INSC: variants seen among roughly 807,000 people sequenced by gnomAD.
INSC encodes INSC spindle orientation adaptor protein, also known as protein inscuteable homolog.
A neutral mutation model predicts 58.6 loss-of-function variants in INSC; 67 were observed. The observed-to-expected ratio is 1.14, with a 90% confidence interval of 0.94 to 1.40. The LOEUF (loss-of-function observed/expected upper bound fraction) is 1.40, where lower values mean the gene tolerates loss of function less well. Among genes scored for constraint, INSC ranks in the 40% most tolerant of loss-of-function variants. The probability of loss-of-function intolerance (pLI) is 0.00; values close to 1 mark genes in which losing one functional copy is unlikely to be tolerated. For synonymous variants in INSC, 262 were observed against 276.1 expected (o/e 0.95, Z 0.51); for missense variants, 714 against 692.0 (o/e 1.03, Z -0.36).
chr11:15,216,561 A>T (rs2080274900), intron 7 of INSC, among the ~76,000 whole-genome samples: 2 of 152,174 alleles, frequency 1.3e-5, no homozygotes, highest in Non-Finnish European at 2.9e-5. Context: ...AAATGCAGGG[A>T]TAGTACTGAT....
At chr11:15,113,585 G>A (rs906259212), upstream of INSC, among the ~76,000 whole-genome samples, 3 of 152,192 alleles carry the variant, frequency 2.0e-5, no homozygotes, top group Non-Finnish European at 4.4e-5. Flanking sequence ...CCTGTCCCCA[G>A]CCCTAGACAG....
intron 7 of INSC, among the ~76,000 whole-genome samples, chr11:15,205,326 CA>C (rs1850754448): frequency 6.6e-6 from 1 of 152,202 alleles, no homozygotes; most frequent in African/African-American, 2.4e-5. Flanking sequence ...CAGCCTATTA[CA>C]GTGGAGAGAC....
intron 7 of INSC, among the ~76,000 whole-genome samples, chr11:15,215,292 T>C (rs1161943883): frequency 6.6e-6 from 1 of 152,242 alleles, no homozygotes; most frequent in Non-Finnish European, 1.5e-5. Flanking sequence ...TTTGATTAGA[T>C]TGTTCTCTTG....
the INSC span, among the ~76,000 whole-genome samples, chr11:15,265,584 T>C: frequency 6.6e-6 from 1 of 151,944 alleles, no homozygotes; most frequent in Admixed American, 6.6e-5. Context: ...AATATCCCTT[T>C]ATTACCTTTT....
rs565366661 is a variant in INSC, at chr11:15,201,469, C to T, written c.819+520C>T. ...CCAAGTGCTCACTGGGCCAAGATGGCGTGGGAGTAGGGTAGGGTTAGAGGA... is the reference window on the plus strand; with the variant it reads ...CCAAGTGCTCACTGGGCCAAGATGGTGTGGGAGTAGGGTAGGGTTAGAGGA... On this transcript the variant is annotated intron_variant, in intron 7 of 12. Coordinates refer to ENST00000379556, the MANE Select transcript of INSC (RefSeq NM_001042536.3). Among the ~76,000 whole-genome samples, 29 of 152,214 alleles carry T rather than the reference C, an allele frequency of 1.9e-4. 1 individual carries two copies. Among genetic ancestry groups the T allele is most frequent in the Admixed American group, 1.4e-3 (22 of 15,288 alleles).
chr11:15,221,771 G>A, intron 8 of INSC, 123 bp downstream of exon 8: 1 of 846,938 alleles, frequency 1.2e-6, no homozygotes. Context: ...CTGCATAGAT[G>A]ATCATATTTG....
At position 15,221,635 on chromosome 11, in the gene INSC, G is replaced by A. The variant is rs774592332; in HGVS notation, c.978G>A (p.Val326=). ...TCCTGGAGAGCATGGAGGAGATCGT[G>A]ACAGCCCTCGTCAGTGAGTCACCCT... ...SSFLESMEEI[V]TALVKLCQEA... The change falls in exon 8 of 13, where the codon GTG becomes GTA. Residue 326 remains valine, a synonymous_variant. Transcript: ENST00000379556. 2.5e-6 allele frequency: 4 copies of A among 1,611,794 alleles called. No homozygotes were observed. In the East Asian group the frequency reaches 6.7e-5, roughly 27 times the overall value.
intron 7 of INSC, among the ~76,000 whole-genome samples, chr11:15,220,512 C>T (rs1792553): frequency 0.28 from 43,205 of 152,174 alleles, 6,840 homozygotes; most frequent in Non-Finnish European, 0.36. Flanking sequence ...AGCATCACAT[C>T]CTGTTCAAAA....
chr11:15,111,713 C>G (rs763130582), upstream of INSC, among the ~76,000 whole-genome samples: 1 of 152,272 alleles, frequency 6.6e-6, no homozygotes, highest in South Asian at 2.1e-4. Context: ...AACCACCTGG[C>G]CTCCCTTTTC....
At chr11:15,113,119 C>CTCTCTCTCTTTCTTTCTTTCTT (rs1554899334), upstream of INSC, among the ~76,000 whole-genome samples, 7 of 73,260 alleles carry the variant, frequency 9.6e-5, no homozygotes, top group African/African-American at 3.4e-4. Flanking sequence ...TTCTCTCTCT[C>CTCTCTCTCTTTCTTTCTTTCTT]TCTTTCTTTC....
At chr11:15,234,362 C>A (rs1041855044) in intron 9 of INSC, among the ~76,000 whole-genome samples, 4 of 152,152 alleles carry the variant, frequency 2.6e-5, no homozygotes, top group Non-Finnish European at 4.4e-5. Context: ...TAAAGTTTTT[C>A]CTTTCTGTTT....
At chr11:15,219,787 G>A (rs1851367798) in intron 7 of INSC, among the ~76,000 whole-genome samples, 1 of 152,210 alleles carries the variant, frequency 6.6e-6, no homozygotes, top group Non-Finnish European at 1.5e-5. Context: ...CTTGATCTGT[G>A]CTGGAAGGAG....
chr11:15,256,114 G>A, the INSC span, among the ~76,000 whole-genome samples: 1 of 152,160 alleles, frequency 6.6e-6, no homozygotes, highest in Non-Finnish European at 1.5e-5. Context: ...ATATGAATGA[G>A]TGTGTTTCTA....
chr11:15,134,190 T>TA (rs1848188311), intron 1 of INSC, among the ~76,000 whole-genome samples: 1 of 152,202 alleles, frequency 6.6e-6, no homozygotes, highest in Non-Finnish European at 1.5e-5. Context: ...GGCACATAGT[T>TA]AAGTGCCTAA....
At position 15,140,704 on chromosome 11, in the gene INSC, C is replaced by T. The variant is rs565487186; in HGVS notation, c.-45-8426C>T. Among the ~76,000 whole-genome samples, 14 of 152,000 alleles carry T rather than the reference C, an allele frequency of 9.2e-5. No individual in the cohort carries two copies. In the South Asian group the frequency reaches 2.5e-3, roughly 27 times the overall value. The stretch of plus-strand genomic sequence containing the variant: ...GGCAGTCCCCCCACCTCAGCCTCCC[C>T]TGTAGCTGGGACTACAGGAATGTAC... On this transcript the variant is annotated intron_variant, in intron 1 of 12. Transcript: ENST00000379556.
chr11:15,262,904 T>C, the INSC span, among the ~76,000 whole-genome samples: 1 of 152,022 alleles, frequency 6.6e-6, no homozygotes, highest in Non-Finnish European at 1.5e-5. Context: ...AGACCTACAC[T>C]GAATATAGGT....
chr11:15,161,180 C>T lies in INSC; in HGVS notation c.56+11950C>T, dbSNP rs141357682. Among the ~76,000 whole-genome samples, 184 of 152,258 alleles carry T rather than the reference C, an allele frequency of 1.2e-3. No homozygotes were observed. The South Asian group carries it at 0.022, about 18-fold the overall frequency. ...TGGATGTGATAAAGTGTTGGCAGTG[C>T]CATAATCCATGCCCATGCCACAAAT... On this transcript the variant is annotated intron_variant, in intron 2 of 12. Transcript: ENST00000379556.
At chr11:15,240,400 G>T (rs1345026205) in intron 11 of INSC, 47 bp from the exon 12 acceptor site, 2 of 1,551,018 alleles carry the variant, frequency 1.3e-6, no homozygotes, top group African/African-American at 1.4e-5. Flanking sequence ...GGTCAGGCCT[G>T]GCTGGGCCCT....
upstream of INSC, among the ~76,000 whole-genome samples, chr11:15,113,149 C>CTTTCTTTCTTTCTTTCTTCCTT (rs757233948): frequency 7.6e-6 from 1 of 131,254 alleles, no homozygotes; most frequent in Non-Finnish European, 1.7e-5. Context: ...TTCTTTCTGT[C>CTTTCTTTCTTTCTTTCTTCCTT]TCTCTCTCTC....
Sources: gnomAD v4.1 joint callset for allele counts (sites outside exome capture counted in the v4.1 genomes callset) on GRCh38, gnomAD v4.1.1 for gene constraint, MANE v1.5 for transcripts, NCBI Gene and HGNC (gene_info 2026-07-23, HGNC 2026-07-21) for gene names.